The following A2ML1 variants were observed in gnomAD, a reference collection of about 807,000 sequenced individuals.
A2ML1 encodes the protein alpha-2-macroglobulin-like protein 1.
Under a neutral mutation model 181.9 loss-of-function variants are expected in A2ML1, and 161 were observed. The ratio of observed to expected loss-of-function variants is 0.89; its 90% CI spans 0.78 to 1.01. A2ML1 has a LOEUF of 1.01. Among genes scored for constraint, A2ML1 ranks in the 50% least tolerant of loss-of-function variants. A2ML1 has a pLI of 0.00. For missense variants in A2ML1, 1,670 were observed against 1,768.1 expected (o/e 0.94, Z 1.00); for synonymous variants, 663 against 666.8 (o/e 0.99, Z 0.09).
In A2ML1 at chr12:8,823,205, C is replaced by A. The variant is rs202006422; in HGVS notation, c.86C>A (p.Ala29Asp). 1.9e-4 allele frequency: 307 copies of A among 1,613,780 alleles called. No individual in the cohort carries two copies. Among genetic ancestry groups the A allele is most frequent in the Non-Finnish European group, 2.6e-4 (302 of 1,179,962 alleles). The change falls in exon 2 of 36, where the codon GCC becomes GAC. Residue 29 changes from alanine (A) to aspartate (D), a missense_variant. Transcript: ENST00000299698. Reference sequence around the variant, plus strand: ...AGAAACTACCTGGTGACATTACCAGCCCGGCTAAATTTCCCCTCCGTTCAG... The same window carrying A: ...AGAAACTACCTGGTGACATTACCAGACCGGCTAAATTTCCCCTCCGTTCAG... The part of the protein sequence containing the change: ...ELPNYLVTLP[A>D]RLNFPSVQKV...
chr12:8,867,419 A>G (rs1944457022), intron 29 of A2ML1, among the ~76,000 whole-genome samples: 1 of 152,198 alleles, frequency 6.6e-6, no homozygotes. Flanking sequence ...AGGCCAAGGC[A>G]GCCGGACCAC....
chr12:8,861,447 G>A (rs1306454774), intron 28 of A2ML1, 150 bp downstream of exon 28: 2 of 981,142 alleles, frequency 2.0e-6, no homozygotes, highest in Non-Finnish European at 3.0e-6. Flanking sequence ...TGGGAGGTTT[G>A]TGAGAAACAC....
chr12:8,846,714 G>A (rs1448496337), intron 14 of A2ML1, among the ~76,000 whole-genome samples: 1 of 151,616 alleles, frequency 6.6e-6, no homozygotes, highest in Non-Finnish European at 1.5e-5. Flanking sequence ...GGGAGGCTGA[G>A]GCAGGAGAAT....
chr12:8,826,096 T>G (rs752082204), intron 3 of A2ML1, among the ~76,000 whole-genome samples: 2 of 152,202 alleles, frequency 1.3e-5, no homozygotes, highest in Non-Finnish European at 2.9e-5. Flanking sequence ...CCATAAAAAT[T>G]TTATGATTTT....
At chr12:8,857,367 G>T in intron 24 of A2ML1, 27 bp downstream of exon 24, 2 of 1,612,064 alleles carry the variant, frequency 1.2e-6, no homozygotes, top group South Asian at 2.2e-5. Context: ...TTTCTTTCTT[G>T]AACACTCTCC....
chr12:8,843,223 C>T lies in A2ML1; in HGVS notation c.1338C>T (p.Tyr446=), dbSNP rs376949565. ...QNAYLHLRPF[Y]STTRSFLGIH... is the part of the protein sequence containing the mutation. ...CCTACCTGCACCTGCGACCCTTCTA[C>T]AGCACAACCCGCAGCTTCCTTGGCA... Residue 446 remains tyrosine, a synonymous_variant, in exon 12 of 36, where the codon TAC becomes TAT. Coordinates refer to ENST00000299698, the MANE Select transcript of A2ML1 (RefSeq NM_144670.6). The T allele has an allele frequency of 1.2e-6, 2 of 1,614,204 alleles. No individual in the cohort carries two copies. The highest frequency in any genetic ancestry group is 1.7e-6 in the Non-Finnish European group (2 of 1,180,042).
intron 5 of A2ML1, 177 bp downstream of exon 5, chr12:8,834,859 C>T (rs1430909785): frequency 1.2e-5 from 8 of 651,360 alleles, no homozygotes; most frequent in Non-Finnish European, 2.1e-5. Context: ...CCTCTGCCCT[C>T]CTAGTCTCTC....
At chr12:8,845,718 C>A (rs148144095) in intron 13 of A2ML1, among the ~76,000 whole-genome samples, 1 of 151,764 alleles carries the variant, frequency 6.6e-6, no homozygotes, top group Non-Finnish European at 1.5e-5. Flanking sequence ...GACGTCGGGG[C>A]GGGCCCCTGT....
At chr12:8,849,955 C>T (rs777332759) in intron 17 of A2ML1, among the ~76,000 whole-genome samples, 196 bp downstream of exon 17, 1 of 152,122 alleles carries the variant, frequency 6.6e-6, no homozygotes, top group Non-Finnish European at 1.5e-5. Context: ...CTTATGTATC[C>T]ATTCCCCGGC....
chr12:8,844,866 G>C (rs59908019), intron 12 of A2ML1: 10 of 536,540 alleles, frequency 1.9e-5, no homozygotes, highest in Admixed American at 4.9e-5. Flanking sequence ...CTGGGCAGGC[G>C]TCCAAGGAAC....
intron 7 of A2ML1, among the ~76,000 whole-genome samples, chr12:8,884,383 G>A (rs1183528827): frequency 6.6e-6 from 1 of 151,566 alleles, no homozygotes; most frequent in Non-Finnish European, 1.5e-5. Flanking sequence ...ATTAAGCCCA[G>A]TACCCAATAG....
At position 8,868,010 on chromosome 12, in the gene A2ML1, G is replaced by A. The variant is rs760857113; in HGVS notation, c.3886G>A (p.Gly1296Arg). Residue 1296 changes from glycine (G) to arginine (R), a missense_variant, in exon 30 of 36, where the codon GGA (glycine) becomes AGA (arginine). Transcript: ENST00000299698. ...GCAGGATACCCTGCCCAATGTCCCTGGAATGTACACGTTGGAGGCCTCAGG... is the reference window on the plus strand; with the variant it reads ...GCAGGATACCCTGCCCAATGTCCCTAGAATGTACACGTTGGAGGCCTCAGG... The part of the protein sequence containing the change: ...FQQDTLPNVP[G>R]MYTLEASGQG... The A allele has an allele frequency of 1.9e-6, 3 of 1,614,250 alleles. No individual in the cohort carries two copies. The highest frequency in any genetic ancestry group is 4.5e-5 in the East Asian group (2 of 44,884).
intron 4 of A2ML1, among the ~76,000 whole-genome samples, chr12:8,833,177 C>T (rs4883186): frequency 0.76 from 115,574 of 151,862 alleles, 45,509 homozygotes; most frequent in East Asian, 1. Context: ...TTTACCATGT[C>T]GGTCAGGCTG....
intron 22 of A2ML1, among the ~76,000 whole-genome samples, chr12:8,855,100 G>A (rs1239966805): frequency 2.0e-5 from 3 of 152,018 alleles, no homozygotes; most frequent in African/African-American, 7.2e-5. Context: ...TCACCATATT[G>A]GCCAGGCTGG....
chr12:8,828,193 G>A (rs1246638992), intron 3 of A2ML1, among the ~76,000 whole-genome samples: 1 of 152,218 alleles, frequency 6.6e-6, no homozygotes, highest in Non-Finnish European at 1.5e-5. Flanking sequence ...CCTTCAGGGT[G>A]GTGAGTTCCC....
At chr12:8,847,982 A>C (rs1040650500) in intron 15 of A2ML1, among the ~76,000 whole-genome samples, 1 of 125,076 alleles carries the variant, frequency 8.0e-6, no homozygotes, top group Non-Finnish European at 1.7e-5. Context: ...TCTACTAAAA[A>C]TCCAGAAAAA....
At chr12:8,837,008 A>T (rs1383593772) in intron 7 of A2ML1, among the ~76,000 whole-genome samples, 1 of 152,114 alleles carries the variant, frequency 6.6e-6, no homozygotes, top group Admixed American at 6.6e-5. Context: ...AGAGAAAGGT[A>T]GGATTGTCAG....
At chr12:8,861,447 G>C in intron 28 of A2ML1, 150 bp downstream of exon 28, 1 of 981,260 alleles carries the variant, frequency 1.0e-6, no homozygotes, top group Non-Finnish European at 1.5e-6. Context: ...TGGGAGGTTT[G>C]TGAGAAACAC....
chr12:8,849,128 C>T (rs1943802684), intron 16 of A2ML1, among the ~76,000 whole-genome samples: 1 of 152,146 alleles, frequency 6.6e-6, no homozygotes, highest in South Asian at 2.1e-4. Flanking sequence ...TCCTCAAACA[C>T]TGATTTCCAT....
Sources: allele counts gnomAD v4.1 joint callset (sites outside exome capture counted in the v4.1 genomes callset), GRCh38; gene constraint gnomAD v4.1.1; transcripts MANE v1.5; gene names NCBI Gene and HGNC (gene_info 2026-07-23, HGNC 2026-07-21).